The following UGT2B11 variants were observed in gnomAD, a reference collection of about 807,000 sequenced individuals.
The protein encoded by UGT2B11 is UDP glucuronosyltransferase family 2 member B11, also known as UDP-glucuronosyltransferase 2B11.
In UGT2B11, 49 loss-of-function variants were observed where a neutral mutation model predicts 51.7. That is an observed-to-expected ratio of 0.95 (90% CI 0.75 to 1.20). The LOEUF is 1.20. UGT2B11 is among the 50% of genes most tolerant of loss of function. The pLI is 0.00. For missense variants in UGT2B11, 810 were observed against 622.1 expected (o/e 1.30, Z -3.21); for synonymous variants, 273 against 209.0 (o/e 1.31, Z -2.64).
the UGT2B11 span, among the ~76,000 whole-genome samples, chr4:69,222,526 G>C: frequency 1.2e-4 from 18 of 152,158 alleles, no homozygotes; most frequent in Non-Finnish European, 2.5e-4. Context: ...CTGTTGCCCT[G>C]TGGGGAATTT....
chr4:69,217,370 C>G (rs1418771326), upstream of UGT2B11, among the ~76,000 whole-genome samples: 2 of 152,106 alleles, frequency 1.3e-5, no homozygotes, highest in African/African-American at 4.8e-5. Flanking sequence ...AAGTCTTTCT[C>G]AAAAGGATGT....
intron 2 of UGT2B11, among the ~76,000 whole-genome samples, chr4:69,212,112 T>C (rs1722088034): frequency 1.3e-5 from 2 of 151,622 alleles, no homozygotes; most frequent in East Asian, 1.9e-4. Flanking sequence ...TGATGCTTTT[T>C]TGACATTGGG....
the UGT2B11 span, among the ~76,000 whole-genome samples, chr4:69,221,770 G>C: frequency 6.6e-6 from 1 of 152,206 alleles, no homozygotes; most frequent in Non-Finnish European, 1.5e-5. Context: ...TGTCCAGGAG[G>C]AAGTCCACTT....
chr4:69,209,140 T>C (rs55928099), intron 2 of UGT2B11, among the ~76,000 whole-genome samples: 29,656 of 151,672 alleles, frequency 0.2, 3,051 homozygotes, highest in Middle Eastern at 0.28. Flanking sequence ...TATTGTGATT[T>C]GGAATTTTTA....
At chr4:69,204,316 T>A in intron 5 of UGT2B11, 114 bp downstream of exon 5, 1 of 1,461,654 alleles carries the variant, frequency 6.8e-7, no homozygotes, top group African/African-American at 1.4e-5. Context: ...ATTGGTTATA[T>A]CATTTAAATT....
rs1212815439 is a variant in UGT2B11, at chr4:69,208,353, T to G, written c.1000A>C (p.Lys334Gln). The G allele has an allele frequency of 6.2e-7, 1 of 1,610,854 alleles. No homozygotes were observed. The highest frequency in any genetic ancestry group is 2.2e-5 in the East Asian group (1 of 44,760). ...IATALAKIPQKVLWRFDGNKP... is the reference protein window; with the variant it reads ...IATALAKIPQQVLWRFDGNKP... ...ACCAGTAAGGCCCTTTATCTTACCTTTTGTGGGATCTTGGCAAGGGCTGTT... is the reference window on the plus strand; with the variant it reads ...ACCAGTAAGGCCCTTTATCTTACCTGTTGTGGGATCTTGGCAAGGGCTGTT... The change falls in exon 3 of 6, where the codon AAG (lysine) becomes CAG (glutamine). Residue 334 changes from lysine to glutamine, a missense_variant and splice_region_variant. Coordinates refer to ENST00000446444, the MANE Select transcript of UGT2B11 (RefSeq NM_001073.3).
At chr4:69,224,752 G>GAA in the UGT2B11 span, among the ~76,000 whole-genome samples, 1 of 145,082 alleles carries the variant, frequency 6.9e-6, no homozygotes, top group African/African-American at 2.6e-5. Flanking sequence ...TCAACCGAGA[G>GAA]AAAAAAAAAA....
upstream of UGT2B11, among the ~76,000 whole-genome samples, chr4:69,218,811 G>GAC (rs981209745): frequency 6.6e-6 from 1 of 151,910 alleles, no homozygotes; most frequent in African/African-American, 2.4e-5. Context: ...TTATATAGGA[G>GAC]TTGTCTCTGT....
chr4:69,200,715 T>C lies in UGT2B11; in HGVS notation c.1315A>G (p.Lys439Glu), dbSNP rs1265305253. The C allele has an allele frequency of 1.2e-6, 2 of 1,608,442 alleles. No individual in the cohort carries two copies. The highest frequency in any genetic ancestry group is 1.7e-6 in the Non-Finnish European group (2 of 1,177,336). ...LKTVINDPLY[K>E]ENIMKLSRIQ... is the part of the protein sequence containing the mutation. The stretch of plus-strand genomic sequence containing the variant: ...CTTGATAATTTCATAATATTCTCTT[T>C]ATATCTGAAGGATAAAAATAAGGAT... Residue 439 changes from lysine to glutamate, a missense_variant, in exon 6 of 6, where the codon AAA (lysine) becomes GAA (glutamate). By Grantham distance (56) the Lys-to-Glu change is moderately conservative. Coordinates refer to ENST00000446444, the MANE Select transcript of UGT2B11 (RefSeq NM_001073.3).
upstream of UGT2B11, chr4:69,215,102 T>C (rs1722226732): frequency 5.9e-6 from 1 of 168,254 alleles, no homozygotes; most frequent in Non-Finnish European, 1.3e-5. Context: ...AATATCGTGG[T>C]TCAATGAATA....
At chr4:69,200,793 C>T in intron 5 of UGT2B11, 74 bp from the exon 6 acceptor site, 2 of 1,404,280 alleles carry the variant, frequency 1.4e-6, no homozygotes, top group Non-Finnish European at 1.9e-6. Context: ...CTATGAAAGG[C>T]TTTTAAAGCA....
In UGT2B11 at chr4:69,200,461, C is replaced by T. The variant is rs773009883; in HGVS notation, c.1569G>A (p.Gly523=). 45 of 1,610,926 alleles carry T rather than the reference C, an allele frequency of 2.8e-5. No homozygotes were observed. The highest frequency in any genetic ancestry group is 3.4e-5 in the Non-Finnish European group (40 of 1,178,418). ...ATAACTAATCTCTTTTTCCCTTCTTCCCTTTTCTAGCAAACTTCCAGAAAC... is the reference window on the plus strand; with the variant it reads ...ATAACTAATCTCTTTTTCCCTTCTTTCCTTTTCTAGCAAACTTCCAGAAAC... ...LFCFWKFARK[G]KKGKRD Residue 523 remains glycine, a synonymous_variant, in exon 6 of 6, where the codon GGG becomes GGA. Transcript: ENST00000446444.
chr4:69,201,470 A>T (rs1392551121), intron 5 of UGT2B11, among the ~76,000 whole-genome samples: 5 of 151,794 alleles, frequency 3.3e-5, no homozygotes, highest in African/African-American at 1.2e-4. Flanking sequence ...TATTTGGTCT[A>T]CAGAACCCTA....
intron 3 of UGT2B11, 148 bp downstream of exon 3, chr4:69,208,203 T>A: frequency 6.8e-7 from 1 of 1,474,512 alleles, no homozygotes; most frequent in Non-Finnish European, 9.1e-7. Context: ...CAACTATTAC[T>A]TGTGTTGGTG....
At chr4:69,222,332 G>A in the UGT2B11 span, among the ~76,000 whole-genome samples, 1 of 152,250 alleles carries the variant, frequency 6.6e-6, no homozygotes, top group Non-Finnish European at 1.5e-5. Context: ...GCCTTCCTTA[G>A]CCTTTCTAGA....
chr4:69,214,825 T>A (rs1722215393), upstream of UGT2B11: 2 of 1,506,560 alleles, frequency 1.3e-6, no homozygotes, highest in African/African-American at 1.4e-5. Context: ...CAATCCAAAG[T>A]AAATATATTA....
Position 69,200,380 on chromosome 4 carries a change from C to G in UGT2B11, c.*60G>C. On this transcript the variant is annotated 3_prime_UTR_variant, in exon 6 of 6. Transcript: ENST00000446444. The stretch of plus-strand genomic sequence containing the variant: ...TTGCATAACAATCTTTTCTTTCTTG[C>G]TGGAATAAACTGAAGTTGTCCTATC... 8.1e-7 allele frequency: 1 copy of G among 1,233,046 alleles called. No individual in the cohort carries two copies. Among genetic ancestry groups the G allele is most frequent in the Non-Finnish European group, 1.0e-6 (1 of 953,250 alleles). The allele number at this position is 1,233,046 out of a possible 1,614,324, so 76.4% of individuals were successfully genotyped here. A position where few individuals can be genotyped will look rare whatever the true frequency, so the allele number is the denominator to read the frequency against.
chr4:69,212,665 T>C lies in UGT2B11; in HGVS notation c.778A>G (p.Asn260Asp), dbSNP rs765239547. 6.2e-7 allele frequency: 1 copy of C among 1,610,594 alleles called. No homozygotes were observed. Among genetic ancestry groups the C allele is most frequent in the Non-Finnish European group, 8.5e-7 (1 of 1,177,800 alleles). The stretch of plus-strand genomic sequence containing the variant: ...TGAGGAAATTGAAAACTCCAGGAGT[T>C]TCGCATAAGCCATATGTCAGCTTTT... ...MGKADIWLMR[N>D]SWSFQFPHPF... The change falls in exon 2 of 6, where the codon AAC becomes GAC. Residue 260 changes from asparagine (N) to aspartate (D), a missense_variant. By Grantham distance (23) the Asn-to-Asp change is conservative. Coordinates refer to ENST00000446444, the MANE Select transcript of UGT2B11 (RefSeq NM_001073.3).
intron 3 of UGT2B11, 84 bp downstream of exon 3, chr4:69,208,267 C>T: frequency 6.3e-7 from 1 of 1,587,088 alleles, no homozygotes; most frequent in Non-Finnish European, 8.5e-7. Context: ...GTTCACTCTA[C>T]TCTTAATATT....
Sources: allele counts gnomAD v4.1 joint callset (sites outside exome capture counted in the v4.1 genomes callset), GRCh38; gene constraint gnomAD v4.1.1; transcripts MANE v1.5; gene names NCBI Gene and HGNC (gene_info 2026-07-23, HGNC 2026-07-21).